Variants in GPM6A observed in about 807,000 individuals in gnomAD.
The protein encoded by GPM6A is glycoprotein M6A.
Under a neutral mutation model 32.1 loss-of-function variants are expected in GPM6A, and 7 were observed. The ratio of observed to expected loss-of-function variants is 0.22; its 90% CI spans 0.12 to 0.41. The LOEUF is 0.41. Ranked by LOEUF, GPM6A falls within the 10% of genes least tolerant of loss-of-function variation. GPM6A has a pLI of 1.00. For missense variants in GPM6A, 235 were observed against 347.2 expected (o/e 0.68, Z 2.57); for synonymous variants, 130 against 123.4 (o/e 1.05, Z -0.35).
chr4:175,981,935 C>CT (rs956247336), intron 1 of GPM6A, among the ~76,000 whole-genome samples: 2 of 151,596 alleles, frequency 1.3e-5, no homozygotes, highest in African/African-American at 4.8e-5. Context: ...TTCTGTTTTC[C>CT]TTTTTTAAAA....
chr4:175,786,694 T>C (rs374390126), intron 1 of GPM6A, among the ~76,000 whole-genome samples: 6 of 152,066 alleles, frequency 3.9e-5, no homozygotes, highest in South Asian at 2.1e-4. Flanking sequence ...CTTGTCCATG[T>C]TCCCTTGAGT....
At chr4:175,914,565 T>C (rs547747157) in intron 1 of GPM6A, among the ~76,000 whole-genome samples, 2 of 152,168 alleles carry the variant, frequency 1.3e-5, no homozygotes, top group Non-Finnish European at 2.9e-5. Context: ...TCAAGTGATC[T>C]GCCCGCCTTG....
chr4:175,839,004 G>C (rs891710455), intron 1 of GPM6A, among the ~76,000 whole-genome samples: 2 of 151,910 alleles, frequency 1.3e-5, no homozygotes, highest in African/African-American at 4.8e-5. Context: ...CTGACTTCAG[G>C]AATAATCAAA....
intron 1 of GPM6A, among the ~76,000 whole-genome samples, chr4:175,988,831 GA>G (rs1435469704): frequency 2.0e-5 from 3 of 152,196 alleles, no homozygotes. Context: ...AATGTAGCGT[GA>G]GGGGCAGGCT....
intron 1 of GPM6A, among the ~76,000 whole-genome samples, chr4:175,945,484 A>G (rs1264491555): frequency 1.3e-5 from 2 of 152,072 alleles, no homozygotes; most frequent in African/African-American, 4.8e-5. Flanking sequence ...GTTGTAAATA[A>G]TACACACCCA....
chr4:175,876,404 A>G (rs1414340469), intron 1 of GPM6A, among the ~76,000 whole-genome samples: 1 of 152,364 alleles, frequency 6.6e-6, no homozygotes, highest in East Asian at 1.9e-4. Context: ...TTTAAAAACC[A>G]AAATTAGACT....
At chr4:175,952,616 T>C (rs930314991) in intron 1 of GPM6A, among the ~76,000 whole-genome samples, 1 of 152,196 alleles carries the variant, frequency 6.6e-6, no homozygotes, top group East Asian at 1.9e-4. Context: ...TCCAGAGATA[T>C]TTTTGTGTAC....
intron 4 of GPM6A, among the ~76,000 whole-genome samples, chr4:175,646,830 T>C (rs1189202739): frequency 6.6e-6 from 1 of 152,190 alleles, no homozygotes; most frequent in African/African-American, 2.4e-5. Context: ...TCATTCATGG[T>C]TACCTCCTTA....
In GPM6A at chr4:175,670,903, G is replaced by A. The variant is rs1743023819; in HGVS notation, c.387+2777C>T. Among the ~76,000 whole-genome samples, 7 of 134,522 alleles carry A rather than the reference G, an allele frequency of 5.2e-5. No individual in the cohort carries two copies. In the South Asian group the frequency reaches 6.9e-4, roughly 13 times the overall value. 88.3% of individuals were successfully genotyped at this position (134,522 alleles called of 152,430 possible). On this transcript the variant is annotated intron_variant, in intron 3 of 6. Coordinates refer to ENST00000393658, the MANE Select transcript of GPM6A (RefSeq NM_201591.3). ...TTTTGAGACAAAGTCTTGCTCTGTC[G>A]CCCAGGCTGGAGTGCAGTGGCACGA...
chr4:175,844,897 A>T (rs555931095), intron 1 of GPM6A, among the ~76,000 whole-genome samples: 2 of 152,194 alleles, frequency 1.3e-5, no homozygotes, highest in South Asian at 4.1e-4. Context: ...TCCTAAGAAG[A>T]GGGATGAAGA....
intron 3 of GPM6A, among the ~76,000 whole-genome samples, chr4:175,653,950 C>G (rs558912309): frequency 5.9e-5 from 9 of 152,196 alleles, no homozygotes; most frequent in African/African-American, 2.2e-4. Context: ...GCTCACAGAA[C>G]AGTGGAGGGG....
chr4:175,903,144 GA>G (rs1369000965), intron 1 of GPM6A, among the ~76,000 whole-genome samples: 3 of 151,974 alleles, frequency 2.0e-5, no homozygotes, highest in Non-Finnish European at 4.4e-5. Flanking sequence ...TGATAAGCTG[GA>G]ATCTCTTGTT....
At chr4:175,792,361 T>C (rs1181928471) in intron 1 of GPM6A, among the ~76,000 whole-genome samples, 1 of 152,190 alleles carries the variant, frequency 6.6e-6, no homozygotes, top group African/African-American at 2.4e-5. Context: ...AGTGGATATT[T>C]GGTGTCTACT....
intron 4 of GPM6A, among the ~76,000 whole-genome samples, chr4:175,650,766 G>GC (rs1741758548): frequency 6.6e-6 from 1 of 152,114 alleles, no homozygotes; most frequent in African/African-American, 2.4e-5. Flanking sequence ...AAAGCCACAA[G>GC]CCCTTCATAC....
intron 1 of GPM6A, among the ~76,000 whole-genome samples, chr4:175,886,590 T>C (rs562540717): frequency 2.3e-4 from 35 of 152,186 alleles, no homozygotes; most frequent in African/African-American, 8.4e-4. Context: ...GTCACATCAT[T>C]TGTGCATGTT....
chr4:175,728,782 C>A (rs1731286575), intron 1 of GPM6A, among the ~76,000 whole-genome samples: 1 of 152,196 alleles, frequency 6.6e-6, no homozygotes, highest in African/African-American at 2.4e-5. Context: ...AGTTTCCTTT[C>A]AATCTGTAGC....
chr4:175,668,304 C>T (rs1266056858), intron 3 of GPM6A, among the ~76,000 whole-genome samples: 1 of 151,890 alleles, frequency 6.6e-6, no homozygotes, highest in Non-Finnish European at 1.5e-5. Flanking sequence ...AATCCTGGCC[C>T]TTCTTCCTCA....
At chr4:175,928,294 T>C (rs969228685) in intron 1 of GPM6A, among the ~76,000 whole-genome samples, 1 of 152,204 alleles carries the variant, frequency 6.6e-6, no homozygotes, top group Non-Finnish European at 1.5e-5. Context: ...TTGCAATAAA[T>C]GGAATGAAAT....
intron 1 of GPM6A, among the ~76,000 whole-genome samples, chr4:175,975,432 C>T (rs941400429): frequency 1.1e-4 from 17 of 152,274 alleles, no homozygotes; most frequent in African/African-American, 3.8e-4. Context: ...ATATAACTAA[C>T]CATGTTTACC....
Sources: gnomAD v4.1 joint callset for allele counts (sites outside exome capture counted in the v4.1 genomes callset) on GRCh38, gnomAD v4.1.1 for gene constraint, MANE v1.5 for transcripts, NCBI Gene and HGNC (gene_info 2026-07-23, HGNC 2026-07-21) for gene names.